The following PDE11A variants were observed in gnomAD, a reference collection of about 807,000 sequenced individuals.
The protein encoded by PDE11A is dual 3',5'-cyclic-AMP and -GMP phosphodiesterase 11A.
A neutral mutation model predicts 100.5 loss-of-function variants in PDE11A; 100 were observed. The ratio of observed to expected loss-of-function variants is 1.00; its 90% confidence interval spans 0.85 to 1.18. PDE11A has a LOEUF of 1.18. Among genes scored for constraint, PDE11A ranks in the 50% most tolerant of loss-of-function variants. The probability of loss-of-function intolerance (pLI) is 0.00; values close to 1 mark genes in which losing one functional copy is unlikely to be tolerated. For synonymous variants in PDE11A, 381 were observed against 420.8 expected, an observed-to-expected ratio of 0.91 and a Z score of 1.16; for missense variants, 1,141 against 1,152.6, an observed-to-expected ratio of 0.99 and a Z score of 0.15.
At position 177,784,552 on chromosome 2, in the gene PDE11A, C is replaced by T. The variant is rs2105522957; in HGVS notation, c.1738-15179G>A. Among the ~76,000 whole-genome samples, 3 of 152,330 alleles carry T rather than the reference C, an allele frequency of 2.0e-5. No individual in the cohort carries two copies. The South Asian group carries it at 6.2e-4, about 32-fold the overall frequency. The stretch of plus-strand genomic sequence containing the variant: ...ATAGTCAGTCAAGCAGCCCATGCTG[C>T]TATCTGCCTATGGGGTAGCCACCCT... On this transcript the variant is annotated intron_variant, in intron 9 of 19. Coordinates refer to ENST00000286063, the MANE Select transcript of PDE11A (RefSeq NM_016953.4).
chr2:177,860,012 G>A (rs1463086970), intron 5 of PDE11A, among the ~76,000 whole-genome samples: 1 of 151,598 alleles, frequency 6.6e-6, no homozygotes, highest in Non-Finnish European at 1.5e-5. Flanking sequence ...GGAAAAATAA[G>A]GAATAAGGTC....
chr2:178,017,819 G>A (rs2086357802), intron 1 of PDE11A, among the ~76,000 whole-genome samples: 1 of 152,082 alleles, frequency 6.6e-6, no homozygotes, highest in Non-Finnish European at 1.5e-5. Context: ...AATTAGCCGG[G>A]CGTGGTGCCA....
chr2:177,663,873 A>G lies in PDE11A; in HGVS notation c.2639T>C (p.Leu880Ser). The G allele has an allele frequency of 6.3e-7, 1 of 1,575,504 alleles. No individual in the cohort carries two copies. Among genetic ancestry groups the G allele is most frequent in the East Asian group, 2.2e-5 (1 of 44,698 alleles). The change falls in exon 19 of 20, where the codon TTG becomes TCG. Residue 880 changes from leucine (L) to serine (S), a missense_variant. Coordinates refer to ENST00000286063, the MANE Select transcript of PDE11A (RefSeq NM_016953.4). ...CCTCCCAAATCAAAGTACCTGATACAAAGGCATGCAGATGCTATCAATCCA... is the reference window on the plus strand; with the variant it reads ...CCTCCCAAATCAAAGTACCTGATACGAAGGCATGCAGATGCTATCAATCCA... Reference protein sequence around the residue: ...LEWIDSICMPLYQALVKVNVK... With the variant: ...LEWIDSICMPSYQALVKVNVK...
intron 6 of PDE11A, among the ~76,000 whole-genome samples, chr2:177,827,475 G>A (rs1188903358): frequency 6.6e-6 from 1 of 152,160 alleles, no homozygotes. Context: ...CTATTTAAAT[G>A]TTGAGTCCAA....
intron 9 of PDE11A, among the ~76,000 whole-genome samples, chr2:177,798,122 C>T (rs1476822552): frequency 6.6e-6 from 1 of 152,182 alleles, no homozygotes; most frequent in Non-Finnish European, 1.5e-5. Context: ...TTACCTATGA[C>T]TTTCCTTCTC....
intron 2 of PDE11A, among the ~76,000 whole-genome samples, chr2:178,078,109 C>T (rs2087230916): frequency 1.3e-5 from 2 of 151,978 alleles, no homozygotes; most frequent in Non-Finnish European, 2.9e-5. Context: ...CTCTTCTCAC[C>T]TCCTGCCACA....
chr2:177,754,842 G>A (rs2082069929), intron 10 of PDE11A, among the ~76,000 whole-genome samples: 1 of 152,226 alleles, frequency 6.6e-6, no homozygotes, highest in African/African-American at 2.4e-5. Context: ...CGAGCCTCTA[G>A]GAAGGAATGT....
Position 177,831,173 on chromosome 2 carries a change from CA to C in PDE11A, c.1500+9077del, listed in dbSNP as rs559675801. ...AGGGAACTCCATTAAATATTTAAGACAATCACTAAGAGAACACCCAGCAGGC... is the reference window on the plus strand; with the variant it reads ...AGGGAACTCCATTAAATATTTAAGACATCACTAAGAGAACACCCAGCAGGC... On this transcript the variant is annotated intron_variant, in intron 6 of 19. Coordinates refer to ENST00000286063, the MANE Select transcript of PDE11A (RefSeq NM_016953.4). 3.0e-4 allele frequency among the ~76,000 whole-genome samples: 45 copies of C among 152,260 alleles called. 1 individual carries two copies. The South Asian group carries it at 9.3e-3, about 32-fold the overall frequency.
chr2:178,040,300 C>A (rs2086667947), intron 1 of PDE11A, among the ~76,000 whole-genome samples: 1 of 152,082 alleles, frequency 6.6e-6, no homozygotes. Context: ...AAGTGATCCA[C>A]CCACCTCGGC....
At chr2:177,945,439 C>A (rs1363278158) in intron 2 of PDE11A, among the ~76,000 whole-genome samples, 2 of 139,666 alleles carry the variant, frequency 1.4e-5, no homozygotes, top group Non-Finnish European at 3.2e-5. Flanking sequence ...GGCCGCCCAT[C>A]GTCTGAGATG....
intron 9 of PDE11A, among the ~76,000 whole-genome samples, chr2:177,791,338 G>T: frequency 7.0e-6 from 1 of 142,188 alleles, no homozygotes; most frequent in African/African-American, 2.6e-5. Context: ...ATTGAACAAT[G>T]AGAACACGTG....
chr2:177,687,040 C>T (rs2080963122), intron 15 of PDE11A: 1 of 151,930 alleles, frequency 6.6e-6, no homozygotes, highest in Non-Finnish European at 1.5e-5. Context: ...TTTAAAGTTC[C>T]TGAAAAAAAT....
intron 4 of PDE11A, among the ~76,000 whole-genome samples, chr2:177,878,633 C>A (rs779848415): frequency 1.2e-4 from 18 of 152,088 alleles, no homozygotes; most frequent in Admixed American, 6.6e-4. Context: ...TAGATTTTAT[C>A]CTCATTTTAT....
chr2:177,936,727 C>T (rs1238463724), intron 2 of PDE11A, among the ~76,000 whole-genome samples: 1 of 152,120 alleles, frequency 6.6e-6, no homozygotes, highest in Non-Finnish European at 1.5e-5. Context: ...TTAAGACTAG[C>T]CTGGCCAACA....
intron 2 of PDE11A, among the ~76,000 whole-genome samples, chr2:177,969,108 G>T (rs1356788546): frequency 6.6e-6 from 1 of 152,146 alleles, no homozygotes; most frequent in Non-Finnish European, 1.5e-5. Flanking sequence ...ATGAGTTCGT[G>T]TCCTTTGCAG....
intron 2 of PDE11A, among the ~76,000 whole-genome samples, chr2:178,103,692 G>GATAT (rs201713605): frequency 0.015 from 2,303 of 150,482 alleles, 53 homozygotes; most frequent in African/African-American, 0.053. Context: ...CAAAAAAGCT[G>GATAT]ATATATATAT....
chr2:178,014,173 G>A (rs1018201019), intron 2 of PDE11A, 129 bp downstream of exon 2: 10 of 702,694 alleles, frequency 1.4e-5, no homozygotes, highest in Admixed American at 2.3e-5. Context: ...TGTATACCAT[G>A]AGAAAAAGCT....
chr2:177,885,786 T>A (rs2084421154), intron 4 of PDE11A, among the ~76,000 whole-genome samples: 1 of 152,190 alleles, frequency 6.6e-6, no homozygotes, highest in South Asian at 2.1e-4. Flanking sequence ...GACTGTCTAG[T>A]TCATTGGCTT....
At chr2:177,760,373 G>A (rs749310566) in intron 10 of PDE11A, among the ~76,000 whole-genome samples, 6 of 152,098 alleles carry the variant, frequency 3.9e-5, no homozygotes, top group Non-Finnish European at 8.8e-5. Context: ...TTCCTCATGA[G>A]TATTATTATA....
Sources: allele counts gnomAD v4.1 joint callset (sites outside exome capture counted in the v4.1 genomes callset), GRCh38; gene constraint gnomAD v4.1.1; transcripts MANE v1.5; gene names NCBI Gene and HGNC (gene_info 2026-07-23, HGNC 2026-07-21).